Variants in NCKAP5 observed in about 807,000 individuals in gnomAD.
The protein encoded by NCKAP5 is NCK associated protein 5.
In NCKAP5, 92 loss-of-function variants were observed where a neutral mutation model predicts 167.0. The observed-to-expected ratio is 0.55, with a 90% confidence interval of 0.47 to 0.66. The LOEUF is 0.66. Ranked by LOEUF, NCKAP5 falls within the 30% of genes least tolerant of loss-of-function variation. NCKAP5 has a pLI of 0.00. For missense variants in NCKAP5, 2,378 were observed against 2,315.0 expected (o/e 1.03, Z -0.56); for synonymous variants, 891 against 877.4 (o/e 1.02, Z -0.27).
chr2:132,880,592 T>C (rs938142881), intron 8 of NCKAP5, among the ~76,000 whole-genome samples: 1 of 151,668 alleles, frequency 6.6e-6, no homozygotes, highest in African/African-American at 2.4e-5. Context: ...ATTATGCCAC[T>C]GCACTCCAGC....
intron 3 of NCKAP5, among the ~76,000 whole-genome samples, chr2:133,429,540 G>T (rs908294236): frequency 1.3e-5 from 2 of 151,942 alleles, no homozygotes; most frequent in Non-Finnish European, 2.9e-5. Context: ...CCCAGATTTA[G>T]CTTCAACTTA....
chr2:132,841,086 A>G (rs970333236), intron 11 of NCKAP5, among the ~76,000 whole-genome samples: 1 of 152,106 alleles, frequency 6.6e-6, no homozygotes, highest in South Asian at 2.1e-4. Context: ...TATTTTTTCT[A>G]TTGCCATTCC....
At chr2:132,721,303 G>A (rs558945157) in intron 19 of NCKAP5, among the ~76,000 whole-genome samples, 32 of 151,822 alleles carry the variant, frequency 2.1e-4, no homozygotes, top group Non-Finnish European at 3.5e-4. Context: ...ACAAGACTCC[G>A]TCTTGGAAAA....
rs1683846173 is a variant in NCKAP5 at position 132,672,275 on chromosome 2, G to A, written c.*1014C>T. ...AAATAATATTCAGGATCATAGAGAA[G>A]CACTAAGTAAAAGACAATCTAAAGA... On this transcript the variant is annotated 3_prime_UTR_variant, in exon 20 of 20. Transcript: ENST00000409261. 6.6e-6 allele frequency: 1 copy of A among 152,504 alleles called. No homozygotes were observed. The highest frequency in any genetic ancestry group is 1.5e-5 in the Non-Finnish European group (1 of 68,022). The allele number at this position is 152,504 out of a possible 1,614,324, so 9.4% of individuals were successfully genotyped here.
chr2:133,420,593 T>C (rs547449997), intron 3 of NCKAP5, among the ~76,000 whole-genome samples: 1 of 152,316 alleles, frequency 6.6e-6, no homozygotes, highest in East Asian at 1.9e-4. Flanking sequence ...TGTATGTAAA[T>C]TATATCTCAA....
intron 6 of NCKAP5, among the ~76,000 whole-genome samples, chr2:133,072,931 A>AACTACCTTTTACTTT (rs1328698755): frequency 1.3e-5 from 2 of 152,282 alleles, no homozygotes; most frequent in East Asian, 3.9e-4. Flanking sequence ...GAAATGGAGT[A>AACTACCTTTTACTTT]AGCACACTCC....
intron 7 of NCKAP5, among the ~76,000 whole-genome samples, chr2:132,986,586 T>A (rs748733007): frequency 3.9e-5 from 6 of 152,198 alleles, no homozygotes; most frequent in Non-Finnish European, 8.8e-5. Context: ...TGTACATATG[T>A]TCATGAAAAT....
chr2:132,969,241 T>C (rs1408687181), intron 7 of NCKAP5, among the ~76,000 whole-genome samples: 1 of 152,098 alleles, frequency 6.6e-6, no homozygotes, highest in Admixed American at 6.6e-5. Context: ...TTTCATTATG[T>C]TAGCCAGGCT....
chr2:132,796,612 C>T lies in NCKAP5; in HGVS notation c.909+16G>A. On this transcript the variant is annotated intron_variant, in intron 12 of 19. Transcript: ENST00000409261. ...ACCACCAAAACAAGTGTTCTGAAGG[C>T]AACTGGGAAACTCACGTGCACCTCA... 2 of 1,586,996 alleles carry T rather than the reference C, an allele frequency of 1.3e-6. No homozygotes were observed. The highest frequency in any genetic ancestry group is 1.1e-5 in the South Asian group (1 of 88,670).
chr2:132,926,679 G>C lies in NCKAP5; in HGVS notation c.579+37041C>G, dbSNP rs750463097. Among the ~76,000 whole-genome samples the C allele has an allele frequency of 4.3e-4, 65 of 151,936 alleles. 1 individual carries two copies. The highest frequency in any genetic ancestry group is 4.7e-4 in the Non-Finnish European group (32 of 67,974). ...TTTGGCCATTTGTATGTCTTCTTTT[G>C]AAAAATATCTATTCCTGTCCTTTGC... On this transcript the variant is annotated intron_variant, in intron 8 of 19. Transcript: ENST00000409261.
At chr2:132,823,459 T>C (rs997518235) in intron 11 of NCKAP5, among the ~76,000 whole-genome samples, 2 of 152,084 alleles carry the variant, frequency 1.3e-5, no homozygotes, top group Non-Finnish European at 2.9e-5. Context: ...CTAAGCTTCA[T>C]AAATGAAGGA....
At chr2:133,265,417 G>C (rs1285596139) in intron 4 of NCKAP5, among the ~76,000 whole-genome samples, 1 of 152,088 alleles carries the variant, frequency 6.6e-6, no homozygotes, top group Non-Finnish European at 1.5e-5. Flanking sequence ...GGGCCAAAAG[G>C]AGAGGAGGAG....
intron 2 of NCKAP5, chr2:133,527,303 T>G (rs1685002266): frequency 6.6e-6 from 1 of 152,194 alleles, no homozygotes; most frequent in East Asian, 1.9e-4. Flanking sequence ...TATTCTCCAT[T>G]GAATGTCTTT....
intron 11 of NCKAP5, among the ~76,000 whole-genome samples, chr2:132,810,190 G>A (rs1295445026): frequency 6.6e-6 from 1 of 151,346 alleles, no homozygotes; most frequent in Non-Finnish European, 1.5e-5. Context: ...TAGGTTACCT[G>A]GTGCCTCTTA....
chr2:133,562,041 G>A (rs924851015), intron 1 of NCKAP5, among the ~76,000 whole-genome samples: 1 of 151,922 alleles, frequency 6.6e-6, no homozygotes, highest in East Asian at 1.9e-4. Flanking sequence ...GGATGCTCTG[G>A]GAGGTACAAA....
In NCKAP5 at chr2:133,172,087, A is replaced by G. The variant is rs2084273114; in HGVS notation, c.207+41629T>C. The stretch of plus-strand genomic sequence containing the variant: ...GAAAACACTTTTGTTTACTAGAAAT[A>G]ATGACTTGAGCCCCAACTATATACC... On this transcript the variant is annotated intron_variant, in intron 5 of 19. Coordinates refer to ENST00000409261, the MANE Select transcript of NCKAP5 (RefSeq NM_207363.3). Among the ~76,000 whole-genome samples the G allele has an allele frequency of 1.3e-5, 2 of 152,232 alleles. 1 individual carries two copies. Among genetic ancestry groups the G allele is most frequent in the Admixed American group, 1.3e-4 (2 of 15,284 alleles).
intron 4 of NCKAP5, among the ~76,000 whole-genome samples, chr2:133,268,085 A>T (rs1252553924): frequency 6.6e-6 from 1 of 152,260 alleles, no homozygotes; most frequent in Non-Finnish European, 1.5e-5. Context: ...AGTTGAAGAA[A>T]ATTTTAAGCC....
upstream of NCKAP5, among the ~76,000 whole-genome samples, chr2:133,569,038 G>T (rs752836771): frequency 1.3e-5 from 2 of 152,098 alleles, no homozygotes; most frequent in African/African-American, 2.4e-5. Flanking sequence ...TTCCTGAGAA[G>T]AGTGCTGGAG....
intron 4 of NCKAP5, among the ~76,000 whole-genome samples, chr2:133,287,318 G>A (rs1679220180): frequency 6.6e-6 from 1 of 152,254 alleles, no homozygotes; most frequent in Admixed American, 6.5e-5. Flanking sequence ...AAGTGCTCTT[G>A]ATATGGTCTA....
Sources: allele counts gnomAD v4.1 joint callset (sites outside exome capture counted in the v4.1 genomes callset), GRCh38; gene constraint gnomAD v4.1.1; transcripts MANE v1.5; gene names NCBI Gene and HGNC (gene_info 2026-07-23, HGNC 2026-07-21).